The following HIP1R variants were observed in gnomAD, a reference collection of about 807,000 sequenced individuals.
The protein encoded by HIP1R is huntingtin-interacting protein 1-related protein.
Under a neutral mutation model 144.2 loss-of-function variants are expected in HIP1R, and 135 were observed. The ratio of observed to expected loss-of-function variants is 0.94; its 90% confidence interval spans 0.81 to 1.08. The LOEUF is 1.08. Ranked by LOEUF, HIP1R falls within the 50% of genes least tolerant of loss-of-function variation. The pLI, the probability that HIP1R is intolerant of heterozygous loss-of-function variation, is 0.00. For missense variants in HIP1R, 1,462 were observed against 1,432.8 expected (o/e 1.02, Z -0.33); for synonymous variants, 698 against 612.8 (o/e 1.14, Z -2.05).
chr12:122,854,314 A>G, intron 8 of HIP1R, 131 bp downstream of exon 8: 1 of 497,456 alleles, frequency 2.0e-6, no homozygotes, highest in Non-Finnish European at 3.2e-6. Flanking sequence ...CCCACTGCCC[A>G]TTAATAGAAA....
At position 122,861,382 on chromosome 12, in the gene HIP1R, C is replaced by T. The variant is rs2292140; in HGVS notation, c.3027C>T (p.Tyr1009=). 3.9e-4 allele frequency: 626 copies of T among 1,613,574 alleles called. 2 individuals are homozygous for T. The East Asian group carries it at 7.4e-3, about 19-fold the overall frequency. The change falls in exon 31 of 32, where the codon TAC becomes TAT. Residue 1009 remains tyrosine (Y), a synonymous_variant. Transcript: ENST00000253083. ...TGGGGGAGTTGCGGAAGCAACACTACGTGCTGGCTGGGGCATCAGGCAGCC... is the reference window on the plus strand; with the variant it reads ...TGGGGGAGTTGCGGAAGCAACACTATGTGCTGGCTGGGGCATCAGGCAGCC... ...MRLGELRKQH[Y]VLAGASGSPG... is the part of the protein sequence containing the mutation.
At chr12:122,858,513 G>A in intron 20 of HIP1R, 78 bp downstream of exon 20, 1 of 1,208,092 alleles carries the variant, frequency 8.3e-7, no homozygotes, top group African/African-American at 1.5e-5. Flanking sequence ...TGCCTTTTGG[G>A]AGGTTTACAG....
intron 1 of HIP1R, among the ~76,000 whole-genome samples, chr12:122,845,938 C>T (rs1051548498): frequency 2.0e-5 from 3 of 152,234 alleles, no homozygotes; most frequent in African/African-American, 7.2e-5. Context: ...GTCCCTATCT[C>T]AGCCCCATCC....
chr12:122,843,947 C>T (rs1367718198), intron 1 of HIP1R, among the ~76,000 whole-genome samples: 1 of 151,982 alleles, frequency 6.6e-6, no homozygotes, highest in Non-Finnish European at 1.5e-5. Context: ...CAGGTTCAAG[C>T]GATTCTCTGC....
rs766822693 is a variant in HIP1R, at chr12:122,859,517, ATGC to A, written c.2390_2392del (p.Ala797del). On this transcript the variant is annotated inframe_deletion, in exon 23 of 32. Transcript: ENST00000253083. The stretch of plus-strand genomic sequence containing the variant: ...GCGGCCACATCCGCAGCCATTGAAG[ATGC>A]TGTGCGGAGGATTGAGGTGAGCACG... 6.2e-7 allele frequency: 1 copy of A among 1,612,962 alleles called. No homozygotes were observed. Among genetic ancestry groups the A allele is most frequent in the Admixed American group, 1.7e-5 (1 of 60,020 alleles).
chr12:122,860,685 A>T lies in HIP1R; in HGVS notation c.2667A>T (p.Ala889=). 1 of 1,613,304 alleles carries T rather than the reference A, an allele frequency of 6.2e-7. No individual in the cohort carries two copies. The highest frequency in any genetic ancestry group is 8.5e-7 in the Non-Finnish European group (1 of 1,179,902). The change falls in exon 28 of 32, where the codon GCA becomes GCT. Residue 889 remains alanine (A), a synonymous_variant. Transcript: ENST00000253083. Reference sequence around the variant, plus strand: ...ACTGGCCCTTGACCCGCAGGGAGGCAGCTGACAAGGTGGTGCTTCACACGG... The same window carrying T: ...ACTGGCCCTTGACCCGCAGGGAGGCTGCTGACAAGGTGGTGCTTCACACGG... The part of the protein sequence containing the change: ...VGWGATQLVE[A]ADKVVLHTGK...
chr12:122,860,463 G>A lies in HIP1R; in HGVS notation c.2600G>A (p.Arg867His), dbSNP rs780511039. Residue 867 changes from arginine (R) to histidine (H), a missense_variant, in exon 27 of 32, where the codon CGC (arginine) becomes CAC (histidine). Arg to His is a conservative substitution (Grantham distance 29). Coordinates refer to ENST00000253083, the MANE Select transcript of HIP1R (RefSeq NM_003959.3). ...CAGGAATTTTACGCCAAGAACTCGCGCTGGACCGAAGGCCTCATCTCGGCC... is the reference window on the plus strand; with the variant it reads ...CAGGAATTTTACGCCAAGAACTCGCACTGGACCGAAGGCCTCATCTCGGCC... ...TQQEFYAKNSRWTEGLISASK... is the reference protein window; with the variant it reads ...TQQEFYAKNSHWTEGLISASK... 21 of 1,613,256 alleles carry A rather than the reference G, an allele frequency of 1.3e-5. No homozygotes were observed. The highest frequency in any genetic ancestry group is 1.6e-4 in the Middle Eastern group (1 of 6,084).
At position 122,835,592 on chromosome 12, in the gene HIP1R, C is replaced by T; in HGVS notation, c.42C>T (p.Arg14=). 10 of 1,344,334 alleles carry T rather than the reference C, an allele frequency of 7.4e-6. No individual in the cohort carries two copies. Among genetic ancestry groups the T allele is most frequent in the Non-Finnish European group, 9.6e-6 (10 of 1,039,264 alleles). 83.3% of individuals were successfully genotyped at this position (1,344,334 alleles called of 1,614,324 possible). ...IKNVPARVLS[R]RPGHSLEAER... is the part of the protein sequence containing the mutation. ...ACGTGCCGGCGCGGGTGCTGAGCCG[C>T]AGGCCGGGCCACAGCCTGGAGGCCG... Residue 14 remains arginine (R), a synonymous_variant, in exon 1 of 32, where the codon CGC becomes CGT. Coordinates refer to ENST00000253083, the MANE Select transcript of HIP1R (RefSeq NM_003959.3).
In HIP1R at chr12:122,861,802, C is replaced by A; in HGVS notation, c.*49C>A. ...GGCTGGTGACAGGCCTGGGCCTCTG[C>A]AACTGCCCTGACAGGACCGAGAGGC... On this transcript the variant is annotated 3_prime_UTR_variant, in exon 32 of 32. Transcript: ENST00000253083. 1 of 1,573,994 alleles carries A rather than the reference C, an allele frequency of 6.4e-7. No individual in the cohort carries two copies. Among genetic ancestry groups the A allele is most frequent in the African/African-American group, 1.3e-5 (1 of 74,172 alleles).
chr12:122,848,887 C>T (rs778668234), intron 4 of HIP1R, 35 bp downstream of exon 4: 30 of 1,605,764 alleles, frequency 1.9e-5, no homozygotes, highest in South Asian at 7.7e-5. Flanking sequence ...GCCTGGCATT[C>T]GGGGCTTTCC....
rs751311123 is a variant in HIP1R, at chr12:122,856,358, A to T, written c.1401+14A>T. The T allele has an allele frequency of 1.9e-6, 3 of 1,613,294 alleles. No individual in the cohort carries two copies. The highest frequency in any genetic ancestry group is 1.7e-6 in the Non-Finnish European group (2 of 1,179,772). On this transcript the variant is annotated intron_variant, in intron 15 of 31. Transcript: ENST00000253083. ...CTGCTCAGAAAGGTAGGTGCAGCCC[A>T]TCCTCCATCCCAGCCGGTGGCAGGG...
In HIP1R at chr12:122,855,324, G is replaced by A; in HGVS notation, c.912G>A (p.Val304=). The change falls in exon 11 of 32, where the codon GTG becomes GTA. Residue 304 remains valine, a synonymous_variant. Transcript: ENST00000253083. ...ALAEHIKPVV[V]IPEEAPEDEE... ...CTGAGCACATCAAGCCGGTGGTGGT[G>A]ATCCCCGAGGAGGCCCCGGAAGATG... The A allele has an allele frequency of 6.2e-7, 1 of 1,612,108 alleles. No individual in the cohort carries two copies. Among genetic ancestry groups the A allele is most frequent in the Non-Finnish European group, 8.5e-7 (1 of 1,179,676 alleles).
chr12:122,834,947 CTCAT>C (rs1368512347), upstream of HIP1R: 1 of 1,289,314 alleles, frequency 7.8e-7, no homozygotes, highest in Admixed American at 2.3e-5. Context: ...ACCGACCAGA[CTCAT>C]GGAGGCCAGA....
At chr12:122,854,429 C>T (rs938734010) in intron 8 of HIP1R, among the ~76,000 whole-genome samples, 6 of 151,866 alleles carry the variant, frequency 4.0e-5, no homozygotes, top group Admixed American at 1.3e-4. Context: ...ATGCCTGGCT[C>T]GGCCAAGACG....
At position 122,860,973 on chromosome 12, in the gene HIP1R, G is replaced by A. The variant is rs2033752017; in HGVS notation, c.2824G>A (p.Val942Ile). 5.6e-6 allele frequency: 9 copies of A among 1,613,554 alleles called. No individual in the cohort carries two copies. The highest frequency in any genetic ancestry group is 7.6e-6 in the Non-Finnish European group (9 of 1,180,010). ...LSRLQECSRTVNERAANVVAS... is the reference protein window; with the variant it reads ...LSRLQECSRTINERAANVVAS... ...CCGCCTGCAGGAATGTTCTCGCACA[G>A]TCAATGAGAGGGCTGCCAATGTGGT... Residue 942 changes from valine (V) to isoleucine (I), a missense_variant, in exon 29 of 32, where the codon GTC becomes ATC. Physicochemically the swap from Val to Ile is conservative, Grantham distance 29. Around this residue, in one of 2 missense-constraint regions of HIP1R, gnomAD observed 1,112 missense variants for 1,011.7 expected, o/e 1.10. Coordinates refer to ENST00000253083, the MANE Select transcript of HIP1R (RefSeq NM_003959.3).
In HIP1R at chr12:122,848,562, A is replaced by C; in HGVS notation, c.254A>C (p.Lys85Thr). The C allele has an allele frequency of 6.2e-7, 1 of 1,613,176 alleles. No homozygotes were observed. Among genetic ancestry groups the C allele is most frequent in the Non-Finnish European group, 8.5e-7 (1 of 1,179,980 alleles). Residue 85 changes from lysine (K) to threonine (T), a missense_variant, in exon 3 of 32, where the codon AAG becomes ACG. This residue lies in a region of HIP1R where 350 missense variants were observed against 421.1 expected (regional missense o/e 0.83). Coordinates refer to ENST00000253083, the MANE Select transcript of HIP1R (RefSeq NM_003959.3). The stretch of plus-strand genomic sequence containing the variant: ...CCCAGCAGCTCCATTCTCAGCTGGA[A>C]GTTCTGCCACGTCCTCCACAAGGTC... ...PLPSSSILSW[K>T]FCHVLHKVLR...
intron 1 of HIP1R, among the ~76,000 whole-genome samples, chr12:122,842,157 C>G (rs973279622): frequency 6.6e-6 from 1 of 152,120 alleles, no homozygotes; most frequent in African/African-American, 2.4e-5. Context: ...GTCCTTCAAC[C>G]AACTCTTTGG....
At chr12:122,845,367 GCC>G (rs1236127553) in intron 1 of HIP1R, among the ~76,000 whole-genome samples, 1 of 152,210 alleles carries the variant, frequency 6.6e-6, no homozygotes, top group Admixed American at 6.5e-5. Flanking sequence ...GCACACATCT[GCC>G]CATCCTAGAC....
intron 1 of HIP1R, among the ~76,000 whole-genome samples, chr12:122,845,143 T>C (rs897390): frequency 0.92 from 140,863 of 152,308 alleles, 65,198 homozygotes; most frequent in East Asian, 0.98. Context: ...TGAGCCCGAG[T>C]GCCTGCTGCT....
Sources: gnomAD v4.1 joint callset for allele counts (sites outside exome capture counted in the v4.1 genomes callset) on GRCh38, gnomAD v4.1.1 for gene constraint, gnomAD v4.1.1 regional missense constraint, MANE v1.5 for transcripts, NCBI Gene and HGNC (gene_info 2026-07-23, HGNC 2026-07-21) for gene names.